CYBRD1: variants seen among roughly 807,000 people sequenced by gnomAD.
The protein encoded by CYBRD1 is cytochrome b reductase 1.
Under a neutral mutation model 21.9 loss-of-function variants are expected in CYBRD1, and 14 were observed. That is an observed-to-expected ratio of 0.64 (90% CI 0.42 to 1.00). The LOEUF (loss-of-function observed/expected upper bound fraction) is 1.00, where lower values mean the gene tolerates loss of function less well. Among genes scored for constraint, CYBRD1 ranks in the 50% least tolerant of loss-of-function variants. CYBRD1 has a pLI of 0.00. For missense variants in CYBRD1, 328 were observed against 352.5 expected (o/e 0.93, Z 0.56); for synonymous variants, 146 against 136.5 (o/e 1.07, Z -0.48).
chr2:171,525,679 G>A (rs1697374665), intron 1 of CYBRD1, among the ~76,000 whole-genome samples: 1 of 152,182 alleles, frequency 6.6e-6, no homozygotes, highest in Admixed American at 6.5e-5. Context: ...AATATTTGGA[G>A]ATGAAGAAGA....
intron 1 of CYBRD1, among the ~76,000 whole-genome samples, chr2:171,523,501 C>T (rs999497579): frequency 6.6e-6 from 1 of 152,196 alleles, no homozygotes; most frequent in African/African-American, 2.4e-5. Flanking sequence ...AGTTCCCCCG[C>T]GGGGCTTCCT....
At chr2:171,533,607 A>G (rs929115244) in intron 1 of CYBRD1, among the ~76,000 whole-genome samples, 2 of 152,202 alleles carry the variant, frequency 1.3e-5, no homozygotes, top group East Asian at 3.8e-4. Context: ...TGCCTGCTCT[A>G]AGACAAACTT....
Position 171,554,994 on chromosome 2 carries a change from A to T in CYBRD1, c.*167A>T. ...TGTATTGATTGAGGCCTATGAACTG[A>T]CCTGAATTGGAAAGGATGTGATTAA... On this transcript the variant is annotated 3_prime_UTR_variant, in exon 4 of 4. Transcript: ENST00000321348. The T allele has an allele frequency of 5.7e-6, 4 of 707,800 alleles. No individual in the cohort carries two copies. In the Admixed American group the frequency reaches 1.1e-4, roughly 19 times the overall value. The allele number at this position is 707,800 out of a possible 1,614,324, so 43.8% of individuals were successfully genotyped here.
chr2:171,526,944 T>G (rs1697394662), intron 1 of CYBRD1, among the ~76,000 whole-genome samples: 1 of 152,196 alleles, frequency 6.6e-6, no homozygotes, highest in Admixed American at 6.5e-5. Context: ...TAACTACCTT[T>G]AAGTAACATT....
At chr2:171,529,531 CAAAAAAA>C (rs57600338) in intron 1 of CYBRD1, among the ~76,000 whole-genome samples, 1 of 69,260 alleles carries the variant, frequency 1.4e-5, no homozygotes, top group Non-Finnish European at 2.5e-5. Flanking sequence ...AACTCTGTCT[CAAAAAAA>C]AAAAAAAAAA....
chr2:171,531,022 G>T (rs1697457393), intron 1 of CYBRD1, among the ~76,000 whole-genome samples: 1 of 151,906 alleles, frequency 6.6e-6, no homozygotes, highest in Non-Finnish European at 1.5e-5. Flanking sequence ...AGGCGTGCTG[G>T]TGTGTGTTGG....
intron 2 of CYBRD1, among the ~76,000 whole-genome samples, chr2:171,544,782 A>C (rs1309390800): frequency 1.3e-5 from 2 of 152,184 alleles, no homozygotes. Flanking sequence ...AAGTGTGTAG[A>C]AGTACTGAAG....
chr2:171,533,127 G>T (rs1230787845), intron 1 of CYBRD1, among the ~76,000 whole-genome samples: 2 of 152,098 alleles, frequency 1.3e-5, no homozygotes, highest in African/African-American at 4.8e-5. Context: ...AGCACTTTGG[G>T]AGGCCAAGGT....
In CYBRD1 at chr2:171,522,494, C is replaced by T; in HGVS notation, c.-52C>T. ...GCCCGGCCACTACCCAGAGGGCTGC[C>T]GCCGCCTCTCCAAGTTCTTGTGGCC... On this transcript the variant is annotated 5_prime_UTR_variant, in exon 1 of 4. Coordinates refer to ENST00000321348, the MANE Select transcript of CYBRD1 (RefSeq NM_024843.4). The surrounding 1 kb of genome is among the most constrained non-coding windows in gnomAD (Gnocchi z 4.3). The T allele has an allele frequency of 6.4e-7, 1 of 1,553,724 alleles. No homozygotes were observed. Among genetic ancestry groups the T allele is most frequent in the Non-Finnish European group, 8.7e-7 (1 of 1,150,186 alleles).
chr2:171,552,412 C>T (rs1683390969), intron 2 of CYBRD1, among the ~76,000 whole-genome samples: 1 of 152,168 alleles, frequency 6.6e-6, no homozygotes, highest in African/African-American at 2.4e-5. Context: ...CGTTGGACCC[C>T]TCCCCCTGCC....
chr2:171,526,656 A>G (rs1375161457), intron 1 of CYBRD1, among the ~76,000 whole-genome samples: 2 of 152,208 alleles, frequency 1.3e-5, no homozygotes, highest in Admixed American at 6.5e-5. Context: ...TAAGTATACT[A>G]CTAGGAAATC....
intron 2 of CYBRD1, among the ~76,000 whole-genome samples, chr2:171,547,351 G>T (rs1330219985): frequency 6.6e-6 from 1 of 152,058 alleles, no homozygotes; most frequent in Non-Finnish European, 1.5e-5. Flanking sequence ...TGGTAACTCA[G>T]TCAAGAGGTT....
chr2:171,523,912 A>G (rs1157018956), intron 1 of CYBRD1, among the ~76,000 whole-genome samples: 1 of 152,200 alleles, frequency 6.6e-6, no homozygotes, highest in Non-Finnish European at 1.5e-5. Flanking sequence ...GAGGAGTAGC[A>G]AGGGTTTGGA....
rs766954479 is a variant in CYBRD1 at position 171,554,582 on chromosome 2, C to T, written c.616C>T (p.Leu206Phe). 13 of 1,613,988 alleles carry T rather than the reference C, an allele frequency of 8.1e-6. No individual in the cohort carries two copies. The highest frequency in any genetic ancestry group is 1.0e-5 in the Non-Finnish European group (12 of 1,179,948). Residue 206 changes from leucine (L) to phenylalanine (F), a missense_variant, in exon 4 of 4, where the codon CTT becomes TTT. Coordinates refer to ENST00000321348, the MANE Select transcript of CYBRD1 (RefSeq NM_024843.4). ...AGGTGTTTTCGTAAATACGCTTGGC[C>T]TTCTGATCCTGGTGTTCGGGGCCCT... ...PEGVFVNTLG[L>F]LILVFGALIF...
chr2:171,522,341 G>T (rs773467463), upstream of CYBRD1: 24 of 1,516,748 alleles, frequency 1.6e-5, no homozygotes, highest in African/African-American at 2.8e-5. This position sits in a 1 kb window ranked among gnomAD's most constrained non-coding sequence, Gnocchi z 4.3. Context: ...GATCCCGGGG[G>T]TGGGGCCCAT....
At chr2:171,544,716 T>A (rs983571586) in intron 2 of CYBRD1, among the ~76,000 whole-genome samples, 1 of 152,214 alleles carries the variant, frequency 6.6e-6, no homozygotes, top group Non-Finnish European at 1.5e-5. Flanking sequence ...ACAAAGCCAA[T>A]TGCATCCTAT....
intron 1 of CYBRD1, among the ~76,000 whole-genome samples, chr2:171,530,003 A>C (rs535533854): frequency 6.6e-6 from 1 of 152,296 alleles, no homozygotes; most frequent in East Asian, 1.9e-4. Flanking sequence ...AAATCCTATG[A>C]TTGGTGCCCT....
At chr2:171,523,208 CT>C (rs1424610638) in intron 1 of CYBRD1, 1 of 377,182 alleles carries the variant, frequency 2.7e-6, no homozygotes, top group Non-Finnish European at 5.4e-6. Flanking sequence ...TCGCCTCAGC[CT>C]TTTGCTGAAC....
chr2:171,524,494 G>C (rs555299633), intron 1 of CYBRD1, among the ~76,000 whole-genome samples: 5 of 152,290 alleles, frequency 3.3e-5, no homozygotes, highest in African/African-American at 1.2e-4. Context: ...GAGGGTAAGG[G>C]AAACACAAGT....
Sources: allele counts gnomAD v4.1 joint callset (sites outside exome capture counted in the v4.1 genomes callset), GRCh38; gene constraint gnomAD v4.1.1; non-coding constraint Gnocchi (gnomAD v3.1); transcripts MANE v1.5; gene names NCBI Gene and HGNC (gene_info 2026-07-23, HGNC 2026-07-21).